XPNPEP1: variants seen among roughly 807,000 people sequenced by gnomAD.
XPNPEP1 encodes the protein xaa-Pro aminopeptidase 1.
In XPNPEP1, 39 loss-of-function variants were observed where a neutral mutation model predicts 92.4. That is an observed-to-expected ratio of 0.42 (90% CI 0.33 to 0.55). The LOEUF (loss-of-function observed/expected upper bound fraction) is 0.55. XPNPEP1 is among the 20% of genes least tolerant of loss of function. The pLI is 0.08. For synonymous variants in XPNPEP1, 307 were observed against 299.4 expected (o/e 1.03, Z -0.26); for missense variants, 654 against 856.1 (o/e 0.76, Z 2.95).
chr10:109,873,345 G>C (rs1847590900), intron 16 of XPNPEP1, 22 bp downstream of exon 16: 1 of 1,613,874 alleles, frequency 6.2e-7, no homozygotes, highest in Admixed American at 1.7e-5. Flanking sequence ...AGGACCTCTT[G>C]AGTTTTTTAC....
In XPNPEP1 at chr10:109,914,997, G is replaced by C. The variant is rs772419361; in HGVS notation, c.121+14C>G. The C allele has an allele frequency of 5.4e-5, 81 of 1,493,418 alleles. No individual in the cohort carries two copies. The African/African-American group carries it at 1.1e-3, about 20-fold the overall frequency. The allele number at this position is 1,493,418 out of a possible 1,614,324, so 92.5% of individuals were successfully genotyped here. The stretch of plus-strand genomic sequence containing the variant: ...TTACAGATGTTCCATCTAATTTCCA[G>C]ACAAAATTATTACCTGTTTCCACAC... On this transcript the variant is annotated intron_variant, in intron 2 of 20. Coordinates refer to ENST00000502935, the MANE Select transcript of XPNPEP1 (RefSeq NM_020383.4).
At chr10:109,895,221 C>T (rs778752772) in intron 3 of XPNPEP1, among the ~76,000 whole-genome samples, 1 of 152,214 alleles carries the variant, frequency 6.6e-6, no homozygotes, top group Non-Finnish European at 1.5e-5. Context: ...AGGCTTGGGG[C>T]TCTTCCACCC....
chr10:109,899,289 A>G (rs1849151458), intron 3 of XPNPEP1, among the ~76,000 whole-genome samples: 1 of 152,140 alleles, frequency 6.6e-6, no homozygotes, highest in Non-Finnish European at 1.5e-5. Context: ...ATTCTTACCA[A>G]TGAAATGTGG....
intron 3 of XPNPEP1, among the ~76,000 whole-genome samples, chr10:109,901,963 T>C (rs1334038249): frequency 6.6e-6 from 1 of 152,242 alleles, no homozygotes; most frequent in Non-Finnish European, 1.5e-5. Flanking sequence ...TTTGGATATG[T>C]TGGATTAATA....
intron 3 of XPNPEP1, among the ~76,000 whole-genome samples, chr10:109,906,635 G>A (rs1003340976): frequency 1.3e-5 from 2 of 152,132 alleles, no homozygotes; most frequent in African/African-American, 4.8e-5. Context: ...TCTATTACCT[G>A]CAACTGAAGA....
chr10:109,874,143 A>G (rs192756442), intron 15 of XPNPEP1, among the ~76,000 whole-genome samples: 210 of 152,372 alleles, frequency 1.4e-3, no homozygotes, highest in African/African-American at 4.7e-3. Flanking sequence ...TTTTACCCCA[A>G]TGAAGTTATT....
At position 109,870,995 on chromosome 10, in the gene XPNPEP1, C is replaced by T. The variant is rs371279490; in HGVS notation, c.1523-91G>A. On this transcript the variant is annotated intron_variant, in intron 17 of 20. Transcript: ENST00000502935. Reference sequence around the variant, plus strand: ...GTGGCTCCAGAACGTGAAACAGAAACCAATAGGTAAGTTACTGGAGGGTTC... The same window carrying T: ...GTGGCTCCAGAACGTGAAACAGAAATCAATAGGTAAGTTACTGGAGGGTTC... The T allele has an allele frequency of 4.5e-5, 65 of 1,436,176 alleles. No individual in the cohort carries two copies. The East Asian group carries it at 6.6e-4, about 15-fold the overall frequency. The allele number at this position is 1,436,176 out of a possible 1,614,324, so 89.0% of individuals were successfully genotyped here. A position where few individuals can be genotyped will look rare whatever the true frequency, so the allele number is the denominator to read the frequency against.
At chr10:109,895,287 A>G (rs1221391071) in intron 3 of XPNPEP1, among the ~76,000 whole-genome samples, 1 of 152,172 alleles carries the variant, frequency 6.6e-6, no homozygotes, top group Non-Finnish European at 1.5e-5. Flanking sequence ...TGCAGGTCTG[A>G]GCCCGGCTGG....
chr10:109,886,035 T>C (rs1046138167), intron 8 of XPNPEP1, among the ~76,000 whole-genome samples: 4 of 152,194 alleles, frequency 2.6e-5, no homozygotes, highest in South Asian at 2.1e-4. Context: ...CCAGCTGTAA[T>C]ACTGCTCTGG....
chr10:109,895,365 T>A (rs1848931719), intron 3 of XPNPEP1, among the ~76,000 whole-genome samples: 2 of 152,158 alleles, frequency 1.3e-5, no homozygotes, highest in South Asian at 4.1e-4. Flanking sequence ...TTGGGAGAGA[T>A]GGAAGATCCG....
rs1232191249 is a variant in XPNPEP1 at position 109,878,004 on chromosome 10, G to A, written c.1237C>T (p.Arg413Cys). Reference protein sequence around the residue: ...ISAADKAEEFRRQQADFVDLS... With the variant: ...ISAADKAEEFCRQQADFVDLS... ...TCCCCCCAAATGGATCCTTACCTGC[G>A]AAACTCCTCAGCTTTGTCAGCAGCT... The change falls in exon 13 of 21, where the codon CGC becomes TGC. Residue 413 changes from arginine to cysteine, a missense_variant. Coordinates refer to ENST00000502935, the MANE Select transcript of XPNPEP1 (RefSeq NM_020383.4). The A allele has an allele frequency of 3.1e-6, 5 of 1,614,206 alleles. No individual in the cohort carries two copies. The highest frequency in any genetic ancestry group is 2.2e-5 in the South Asian group (2 of 91,092).
At chr10:109,874,704 C>T (rs1466962712) in intron 15 of XPNPEP1, among the ~76,000 whole-genome samples, 1 of 152,200 alleles carries the variant, frequency 6.6e-6, no homozygotes, top group Non-Finnish European at 1.5e-5. Context: ...AATCCCAGCA[C>T]TTTGGGAGGC....
chr10:109,914,578 C>T (rs892172850), intron 2 of XPNPEP1, among the ~76,000 whole-genome samples: 1 of 152,106 alleles, frequency 6.6e-6, no homozygotes, highest in Non-Finnish European at 1.5e-5. Context: ...GGGCAGATCA[C>T]CTGAGGTCGG....
At chr10:109,903,165 A>G (rs1849376062) in intron 3 of XPNPEP1, among the ~76,000 whole-genome samples, 1 of 152,238 alleles carries the variant, frequency 6.6e-6, no homozygotes, top group African/African-American at 2.4e-5. Context: ...AACTCCAGGC[A>G]AAAGAAAACT....
At chr10:109,880,287 G>A in intron 11 of XPNPEP1, 49 bp from the exon 12 acceptor site, 2 of 1,597,654 alleles carry the variant, frequency 1.3e-6, no homozygotes, top group Non-Finnish European at 1.7e-6. Flanking sequence ...AAAATCACGT[G>A]ACCAGATTCA....
chr10:109,879,889 A>G (rs1209784022), intron 12 of XPNPEP1, among the ~76,000 whole-genome samples: 9 of 152,192 alleles, frequency 5.9e-5, no homozygotes, highest in Admixed American at 5.9e-4. Flanking sequence ...CTATAATAAT[A>G]TTATAAGACT....
intron 7 of XPNPEP1, among the ~76,000 whole-genome samples, chr10:109,887,078 G>A (rs953025398): frequency 1.3e-5 from 2 of 152,178 alleles, no homozygotes; most frequent in African/African-American, 4.8e-5. Flanking sequence ...TGAGCAGGGT[G>A]GGCATCTGTC....
At chr10:109,883,282 G>A (rs947782921) in intron 9 of XPNPEP1, among the ~76,000 whole-genome samples, 7 of 151,912 alleles carry the variant, frequency 4.6e-5, no homozygotes, top group Non-Finnish European at 8.8e-5. Flanking sequence ...TGAAAATGCT[G>A]TTCCCTCTGC....
chr10:109,866,201 G>T (rs1847134400), intron 20 of XPNPEP1, among the ~76,000 whole-genome samples: 1 of 152,238 alleles, frequency 6.6e-6, no homozygotes, highest in Non-Finnish European at 1.5e-5. Flanking sequence ...TGTTACAGAA[G>T]TACTGCTTTC....
Sources: gnomAD v4.1 joint callset for allele counts (sites outside exome capture counted in the v4.1 genomes callset) on GRCh38, gnomAD v4.1.1 for gene constraint, MANE v1.5 for transcripts, NCBI Gene and HGNC (gene_info 2026-07-23, HGNC 2026-07-21) for gene names.